Variants in UBE2E1 observed in about 807,000 individuals in gnomAD.
UBE2E1 encodes the protein ubiquitin conjugating enzyme E2 E1.
Under a neutral mutation model 21.4 loss-of-function variants are expected in UBE2E1, and 6 were observed. The ratio of observed to expected loss-of-function variants is 0.28; its 90% CI spans 0.15 to 0.55. UBE2E1 has a LOEUF of 0.55. Ranked by LOEUF, UBE2E1 falls within the 20% of genes least tolerant of loss-of-function variation. UBE2E1 has a pLI of 0.93. For synonymous variants in UBE2E1, 87 were observed against 82.7 expected (o/e 1.05, Z -0.28); for missense variants, 142 against 236.5 (o/e 0.60, Z 2.62).
chr3:23,815,525 C>T (rs139319435), intron 3 of UBE2E1, among the ~76,000 whole-genome samples: 6 of 152,348 alleles, frequency 3.9e-5, no homozygotes, highest in South Asian at 2.1e-4. Context: ...TATACTTCCA[C>T]GTAGTTTCTG....
chr3:23,845,669 G>A (rs921972481), intron 3 of UBE2E1, among the ~76,000 whole-genome samples: 2 of 148,348 alleles, frequency 1.3e-5, no homozygotes, highest in African/African-American at 5.0e-5. Context: ...ACCTCTCTAG[G>A]GTGGAGTTTG....
chr3:23,875,780 G>T (rs926933683), intron 3 of UBE2E1, among the ~76,000 whole-genome samples: 4 of 152,122 alleles, frequency 2.6e-5, no homozygotes, highest in African/African-American at 7.2e-5. Context: ...CCACTAATGT[G>T]AATTTTTTTT....
At chr3:23,881,935 T>A (rs1701052122) in intron 3 of UBE2E1, among the ~76,000 whole-genome samples, 1 of 152,068 alleles carries the variant, frequency 6.6e-6, no homozygotes, top group African/African-American at 2.4e-5. Context: ...CGTCTGGAGC[T>A]GTTCGTTCCT....
chr3:23,878,475 G>C (rs1700966824), intron 3 of UBE2E1, among the ~76,000 whole-genome samples: 1 of 152,194 alleles, frequency 6.6e-6, no homozygotes, highest in Non-Finnish European at 1.5e-5. Flanking sequence ...ACCCCGTACT[G>C]GTCCCTGGCC....
At chr3:23,817,082 G>A (rs1699538115) in intron 3 of UBE2E1, among the ~76,000 whole-genome samples, 1 of 152,070 alleles carries the variant, frequency 6.6e-6, no homozygotes, top group African/African-American at 2.4e-5. Flanking sequence ...AGCTTAGAAG[G>A]CAATACTCAC....
At position 23,842,970 on chromosome 3, in the gene UBE2E1, T is replaced by C. The variant is rs941047096; in HGVS notation, c.203+31460T>C. Among the ~76,000 whole-genome samples the C allele has an allele frequency of 6.6e-5, 10 of 152,080 alleles. No individual in the cohort carries two copies. The highest frequency in any genetic ancestry group is 1.5e-4 in the Non-Finnish European group (10 of 68,024). Reference sequence around the variant, plus strand: ...TGGTATAACTTTATACCATAAAATATCCCATGTGCTATTATACTGTGGCAT... The same window carrying C: ...TGGTATAACTTTATACCATAAAATACCCCATGTGCTATTATACTGTGGCAT... On this transcript the variant is annotated intron_variant, in intron 3 of 5. Transcript: ENST00000306627. This position sits in a 1 kb window ranked among gnomAD's most constrained non-coding sequence, Gnocchi z 4.6.
At position 23,842,198 on chromosome 3, in the gene UBE2E1, G is replaced by GTGTGTGTGTGT. The variant is rs1553637705; in HGVS notation, c.203+30688_203+30689insTGTGTGTGTGT. Among the ~76,000 whole-genome samples, 2,192 of 104,348 alleles carry GTGTGTGTGTGT rather than the reference G, an allele frequency of 0.021. 134 individuals carry two copies. The highest frequency in any genetic ancestry group is 0.028 in the Non-Finnish European group (1,435 of 50,890). The allele number at this position is 104,348 out of a possible 152,430, so 68.5% of individuals were successfully genotyped here. On this transcript the variant is annotated intron_variant, in intron 3 of 5. Transcript: ENST00000306627. The surrounding 1 kb of genome is among the most constrained non-coding windows in gnomAD (Gnocchi z 4.6). ...TATGTCATGACCCAGTAAGTGAAGG[G>GTGTGTGTGTGT]GTGTGTGTGTGTGTGTGTGTGTGTG... is the stretch of plus-strand genomic sequence containing the variant.
At chr3:23,832,598 G>C (rs936119223) in intron 3 of UBE2E1, among the ~76,000 whole-genome samples, 2 of 152,104 alleles carry the variant, frequency 1.3e-5, no homozygotes, top group South Asian at 4.2e-4. Flanking sequence ...TCAGCCGAGA[G>C]AGAATCGCTT....
rs1268870576 is a variant in UBE2E1, at chr3:23,853,150, C to G, written c.204-34417C>G. On this transcript the variant is annotated intron_variant, in intron 3 of 5. Transcript: ENST00000306627. This position sits in a 1 kb window ranked among gnomAD's most constrained non-coding sequence, Gnocchi z 4.1. ...TCAGGTGATCTGCCCACCTTGGCCT[C>G]CCAGAGTGCTGGGATTACAGGCGTG... Among the ~76,000 whole-genome samples the G allele has an allele frequency of 6.6e-6, 1 of 152,234 alleles. No individual in the cohort carries two copies. The highest frequency in any genetic ancestry group is 1.9e-4 in the East Asian group (1 of 5,194).
intron 3 of UBE2E1, among the ~76,000 whole-genome samples, chr3:23,825,127 T>C (rs1198101819): frequency 6.6e-6 from 1 of 152,216 alleles, no homozygotes; most frequent in African/African-American, 2.4e-5. Context: ...TAAGAGATTT[T>C]TGTTTGTTCC....
chr3:23,821,540 G>A (rs1433172436), intron 3 of UBE2E1, among the ~76,000 whole-genome samples: 1 of 152,210 alleles, frequency 6.6e-6, no homozygotes, highest in Non-Finnish European at 1.5e-5. Context: ...GACCAGAAAG[G>A]AGGGTATTGC....
At chr3:23,866,825 A>C (rs1053637297) in intron 3 of UBE2E1, among the ~76,000 whole-genome samples, 2 of 152,232 alleles carry the variant, frequency 1.3e-5, no homozygotes, top group African/African-American at 4.8e-5. Flanking sequence ...GTTCTTATTT[A>C]ATCCTGGCTT....
intron 3 of UBE2E1, among the ~76,000 whole-genome samples, chr3:23,825,623 T>A (rs991123337): frequency 6.6e-6 from 1 of 152,104 alleles, no homozygotes; most frequent in Non-Finnish European, 1.5e-5. Flanking sequence ...TGGTGCCACA[T>A]TGGGGAAATG....
At chr3:23,812,471 G>A (rs1053205398) in intron 3 of UBE2E1, among the ~76,000 whole-genome samples, 8 of 152,134 alleles carry the variant, frequency 5.3e-5, no homozygotes, top group Admixed American at 2.6e-4. Flanking sequence ...GCTAAATGAA[G>A]TATTTTGTTT....
intron 1 of UBE2E1, 86 bp from the exon 2 acceptor site, chr3:23,807,151 C>A: frequency 2.5e-6 from 3 of 1,203,664 alleles, no homozygotes; most frequent in Non-Finnish European, 2.3e-6. Context: ...CGCCCCTGGT[C>A]AATGCCCTCC....
chr3:23,830,246 CAA>C (rs1174426531), intron 3 of UBE2E1, among the ~76,000 whole-genome samples: 1 of 152,064 alleles, frequency 6.6e-6, no homozygotes, highest in African/African-American at 2.4e-5. Context: ...TATCCCCTGA[CAA>C]GAGCATGGAG....
intron 3 of UBE2E1, among the ~76,000 whole-genome samples, chr3:23,817,702 G>A (rs1271950931): frequency 6.6e-6 from 1 of 152,076 alleles, no homozygotes; most frequent in Non-Finnish European, 1.5e-5. Flanking sequence ...AGGGATATTC[G>A]TGATGGAACA....
chr3:23,871,832 G>A (rs1304705966), intron 3 of UBE2E1, among the ~76,000 whole-genome samples: 2 of 150,602 alleles, frequency 1.3e-5, no homozygotes, highest in African/African-American at 4.9e-5. Context: ...GGGAAGAGGC[G>A]CTCCTCACTT....
chr3:23,830,489 T>G (rs1699845092), intron 3 of UBE2E1, among the ~76,000 whole-genome samples: 1 of 152,202 alleles, frequency 6.6e-6, no homozygotes, highest in African/African-American at 2.4e-5. Flanking sequence ...CATAAAAATC[T>G]TCAGGCTTAT....
Sources: allele counts gnomAD v4.1 joint callset (sites outside exome capture counted in the v4.1 genomes callset), GRCh38; gene constraint gnomAD v4.1.1; non-coding constraint Gnocchi (gnomAD v3.1); transcripts MANE v1.5; gene names NCBI Gene and HGNC (gene_info 2026-07-23, HGNC 2026-07-21).